The following CHEK1 variants were observed in gnomAD, a reference collection of about 807,000 sequenced individuals.
The protein encoded by CHEK1 is checkpoint kinase 1.
A neutral mutation model predicts 60.2 loss-of-function variants in CHEK1; 32 were observed. That is an observed-to-expected ratio of 0.53 (90% CI 0.40 to 0.71). The LOEUF is 0.71. CHEK1 is among the 30% of genes least tolerant of loss of function. The pLI, the probability that CHEK1 is intolerant of heterozygous loss-of-function variation, is 0.00. For synonymous variants in CHEK1, 179 were observed against 187.2 expected, an observed-to-expected ratio of 0.96 and a Z score of 0.36; for missense variants, 399 against 564.6, an observed-to-expected ratio of 0.71 and a Z score of 2.97.
intron 8 of CHEK1, among the ~76,000 whole-genome samples, chr11:125,640,302 G>A (rs1402635656): frequency 1.3e-5 from 2 of 152,086 alleles, no homozygotes; most frequent in East Asian, 3.9e-4. Flanking sequence ...AGCACTTTGG[G>A]AGGCCAAGGC....
At chr11:125,678,174 G>C (rs768640380), downstream of CHEK1, 13 of 1,614,088 alleles carry the variant, frequency 8.1e-6, no homozygotes, top group African/African-American at 1.3e-5. Flanking sequence ...CAGGCCTGAA[G>C]AAGTCTCATA....
At chr11:125,627,455 G>T in intron 2 of CHEK1, 152 bp from the exon 3 acceptor site, 1 of 606,198 alleles carries the variant, frequency 1.6e-6, no homozygotes. Context: ...AAAGAGTAGT[G>T]TGTGTTGAGA....
chr11:125,657,269 A>ATGTG (rs147076754), downstream of CHEK1: 39 of 139,692 alleles, frequency 2.8e-4, 1 homozygote, highest in South Asian at 1.6e-3. Context: ...ATATAAAAAT[A>ATGTG]TGTGTGTGTG....
chr11:125,666,868 T>C (rs1942108261), intron 13 of CHEK1, among the ~76,000 whole-genome samples: 1 of 152,204 alleles, frequency 6.6e-6, no homozygotes, highest in Non-Finnish European at 1.5e-5. Flanking sequence ...ACTTTCAGTT[T>C]ATATGTATCT....
intron 1 of CHEK1, 179 bp downstream of exon 1, chr11:125,626,191 T>A: frequency 1.7e-6 from 1 of 592,862 alleles, no homozygotes; most frequent in Non-Finnish European, 3.0e-6. Context: ...GTTCCCGTTG[T>A]GGGGGCGGGG....
chr11:125,650,910 T>C (rs2136051691), intron 11 of CHEK1, among the ~76,000 whole-genome samples: 1 of 152,308 alleles, frequency 6.6e-6, no homozygotes, highest in African/African-American at 2.4e-5. Flanking sequence ...ACACCTGCAA[T>C]ACTCAACCAA....
intron 13 of CHEK1, chr11:125,672,439 A>T (rs111701180): frequency 1.2e-5 from 10 of 820,954 alleles, no homozygotes; most frequent in African/African-American, 1.2e-4. Context: ...GCATGAATAG[A>T]AGAAGAAAGA....
At chr11:125,680,040 C>CTA (rs556861280), downstream of CHEK1, among the ~76,000 whole-genome samples, 34 of 152,212 alleles carry the variant, frequency 2.2e-4, no homozygotes, top group Non-Finnish European at 4.0e-4. Context: ...CTGGCACATA[C>CTA]TATCACCTGG....
At chr11:125,661,138 AT>A (rs1942006506), downstream of CHEK1, among the ~76,000 whole-genome samples, 1 of 151,984 alleles carries the variant, frequency 6.6e-6, no homozygotes, top group Non-Finnish European at 1.5e-5. Context: ...CCCTCTTTTA[AT>A]TATCTTAAAA....
chr11:125,643,894 C>T lies in CHEK1; in HGVS notation c.917C>T (p.Ala306Val), dbSNP rs1433658665. 3.7e-5 allele frequency: 60 copies of T among 1,612,326 alleles called. No individual in the cohort carries two copies. The highest frequency in any genetic ancestry group is 5.0e-5 in the Non-Finnish European group (59 of 1,178,588). The change falls in exon 9 of 13, where the codon GCT becomes GTT. Residue 306 changes from alanine (A) to valine (V), a missense_variant. Physicochemically the swap from Ala to Val is moderately conservative, Grantham distance 64. Coordinates refer to ENST00000438015, the MANE Select transcript of CHEK1 (RefSeq NM_001114122.3). ...TTGGACTTCTCTCCAGTAAACAGTG[C>T]TTCTAGGTAAGACTGATAAAGATTG... ...SNLDFSPVNS[A>V]SSEENVKYSS...
At chr11:125,645,780 C>T (rs1042644352) in intron 11 of CHEK1, among the ~76,000 whole-genome samples, 2 of 152,152 alleles carry the variant, frequency 1.3e-5, no homozygotes, top group African/African-American at 4.8e-5. Flanking sequence ...AATAAACACA[C>T]ACATATCTGG....
At chr11:125,680,654 T>C (rs1352955455), downstream of CHEK1, 39 of 1,371,902 alleles carry the variant, frequency 2.8e-5, no homozygotes, top group Non-Finnish European at 3.9e-5. Flanking sequence ...GAGACTGGTC[T>C]TCCTTCTTCA....
At chr11:125,666,820 G>C (rs1165660015) in intron 13 of CHEK1, among the ~76,000 whole-genome samples, 1 of 151,338 alleles carries the variant, frequency 6.6e-6, no homozygotes, top group Non-Finnish European at 1.5e-5. Flanking sequence ...GGTCTTTTTT[G>C]CTTTCTGTTT....
chr11:125,666,560 C>A (rs1942103746), intron 13 of CHEK1, among the ~76,000 whole-genome samples: 2 of 152,096 alleles, frequency 1.3e-5, no homozygotes, highest in African/African-American at 4.8e-5. Context: ...CTTTGATGAT[C>A]TGGATGATCC....
At chr11:125,650,006 G>A (rs1941651876) in intron 11 of CHEK1, 1 of 152,064 alleles carries the variant, frequency 6.6e-6, no homozygotes, top group Non-Finnish European at 1.5e-5. Context: ...ATGTTTCTCT[G>A]TTGACCACAG....
intron 3 of CHEK1, among the ~76,000 whole-genome samples, chr11:125,628,722 G>A (rs1287903005): frequency 6.6e-6 from 1 of 152,126 alleles, no homozygotes; most frequent in East Asian, 1.9e-4. Context: ...CCAGGTTACA[G>A]TAAGTTATGA....
In CHEK1 at chr11:125,655,831, G is replaced by T. The variant is rs1035314960; in HGVS notation, c.*511G>T. 4.2e-5 allele frequency: 9 copies of T among 213,320 alleles called. No individual in the cohort carries two copies. The highest frequency in any genetic ancestry group is 6.6e-5 in the Non-Finnish European group (7 of 105,578). The allele number at this position is 213,320 out of a possible 1,614,324, so 13.2% of individuals were successfully genotyped here. A position where few individuals can be genotyped will look rare whatever the true frequency, so the allele number is the denominator to read the frequency against. On this transcript the variant is annotated 3_prime_UTR_variant, in exon 13 of 13. Coordinates refer to ENST00000438015, the MANE Select transcript of CHEK1 (RefSeq NM_001114122.3). ...GATTTGTACTTATATTTTCAAAAGG[G>T]CCTGGCCAGTTATATAAACCTGTTT...
upstream of CHEK1, chr11:125,625,149 G>T (rs61612408): frequency 8.9e-6 from 2 of 223,540 alleles, no homozygotes; most frequent in Admixed American, 5.8e-5. Context: ...TTAAATTTGC[G>T]TTGTAAGATT....
Position 125,625,614 on chromosome 11 carries a change from C to T in CHEK1, c.-419C>T. On this transcript the variant is annotated 5_prime_UTR_variant, in exon 1 of 13. Coordinates refer to ENST00000438015, the MANE Select transcript of CHEK1 (RefSeq NM_001114122.3). ...CCAGAGCGGCCAGGAGCGAAGCCCGCAGCCCCGCCTGGAAGCGCAGCGCGG... is the reference window on the plus strand; with the variant it reads ...CCAGAGCGGCCAGGAGCGAAGCCCGTAGCCCCGCCTGGAAGCGCAGCGCGG... The T allele has an allele frequency of 3.4e-6, 2 of 596,194 alleles. No homozygotes were observed. The highest frequency in any genetic ancestry group is 6.0e-6 in the Non-Finnish European group (2 of 333,906). The allele number at this position is 596,194 out of a possible 1,614,324, so 36.9% of individuals were successfully genotyped here.
Sources: gnomAD v4.1 joint callset for allele counts (sites outside exome capture counted in the v4.1 genomes callset) on GRCh38, gnomAD v4.1.1 for gene constraint, MANE v1.5 for transcripts, NCBI Gene and HGNC (gene_info 2026-07-23, HGNC 2026-07-21) for gene names.